Variants in RSRC1 observed in about 807,000 individuals in gnomAD.
RSRC1 encodes the protein arginine and serine rich coiled-coil 1.
In RSRC1, 39 loss-of-function variants were observed where a neutral mutation model predicts 49.1. The observed-to-expected ratio is 0.79, with a 90% confidence interval of 0.61 to 1.04. The LOEUF (loss-of-function observed/expected upper bound fraction) is 1.04, where lower values mean the gene tolerates loss of function less well. Ranked by LOEUF, RSRC1 falls within the 50% of genes least tolerant of loss-of-function variation. The pLI, the probability that RSRC1 is intolerant of heterozygous loss-of-function variation, is 0.00. For synonymous variants in RSRC1, 143 were observed against 130.8 expected, an observed-to-expected ratio of 1.09 and a Z score of -0.63; for missense variants, 388 against 402.4, an observed-to-expected ratio of 0.96 and a Z score of 0.31.
At chr3:158,323,956 GAGAC>G (rs62691060) in intron 5 of RSRC1, among the ~76,000 whole-genome samples, 87,033 of 151,456 alleles carry the variant, frequency 0.57, 25,293 homozygotes, top group East Asian at 0.74. Context: ...TACACAGAGA[GAGAC>G]AGAGAATCAA....
At chr3:158,429,339 T>TA (rs1240187605) in intron 6 of RSRC1, among the ~76,000 whole-genome samples, 2 of 149,464 alleles carry the variant, frequency 1.3e-5, no homozygotes, top group African/African-American at 5.0e-5. Flanking sequence ...ATTTCCATGA[T>TA]ACGTTTTGGA....
chr3:158,350,524 G>T (rs1730815285), intron 5 of RSRC1, among the ~76,000 whole-genome samples: 1 of 152,192 alleles, frequency 6.6e-6, no homozygotes, highest in Non-Finnish European at 1.5e-5. Context: ...AGATCAAAGT[G>T]TTAGTAGGGT....
At chr3:158,148,939 A>T (rs569547132) in intron 3 of RSRC1, among the ~76,000 whole-genome samples, 1 of 152,160 alleles carries the variant, frequency 6.6e-6, no homozygotes, top group African/African-American at 2.4e-5. Flanking sequence ...ACATGCCGCC[A>T]CGCCTGGCTA....
At chr3:158,334,632 C>T (rs1436188910) in intron 5 of RSRC1, among the ~76,000 whole-genome samples, 1 of 146,352 alleles carries the variant, frequency 6.8e-6, no homozygotes, top group South Asian at 2.2e-4. Context: ...AGGCACATGA[C>T]ACCACACCCA....
At chr3:158,165,556 C>T (rs1366773563) in intron 3 of RSRC1, among the ~76,000 whole-genome samples, 2 of 152,178 alleles carry the variant, frequency 1.3e-5, no homozygotes, top group Non-Finnish European at 2.9e-5. Flanking sequence ...TTGGCTGGCG[C>T]CGTTAATCAA....
At chr3:158,427,155 C>G (rs567123872) in intron 6 of RSRC1, among the ~76,000 whole-genome samples, 3 of 151,316 alleles carry the variant, frequency 2.0e-5, no homozygotes, top group Admixed American at 6.6e-5. Flanking sequence ...CCTTATTAAG[C>G]TGGAATCATA....
chr3:158,505,906 T>G (rs1739838990), intron 7 of RSRC1, among the ~76,000 whole-genome samples: 1 of 152,096 alleles, frequency 6.6e-6, no homozygotes, highest in African/African-American at 2.4e-5. Flanking sequence ...GTGATTCATG[T>G]AGGAAAATGA....
chr3:158,493,708 GTT>G (rs990662520), intron 7 of RSRC1, among the ~76,000 whole-genome samples: 5 of 152,192 alleles, frequency 3.3e-5, no homozygotes, highest in African/African-American at 1.2e-4. Flanking sequence ...CAGCCTGATT[GTT>G]TGCAGCTCAG....
At chr3:158,391,372 T>C (rs1733280327) in intron 6 of RSRC1, among the ~76,000 whole-genome samples, 1 of 152,172 alleles carries the variant, frequency 6.6e-6, no homozygotes, top group African/African-American at 2.4e-5. Context: ...TCTCAGAGCT[T>C]ATAGCAAGAG....
chr3:158,407,808 A>C (rs1168788407), intron 6 of RSRC1, among the ~76,000 whole-genome samples: 4 of 152,180 alleles, frequency 2.6e-5, no homozygotes, highest in Non-Finnish European at 4.4e-5. Flanking sequence ...ATATTTGCAT[A>C]TTTTAGATTT....
intron 4 of RSRC1, among the ~76,000 whole-genome samples, chr3:158,293,973 G>A (rs1433918330): frequency 6.6e-6 from 1 of 151,800 alleles, no homozygotes; most frequent in Non-Finnish European, 1.5e-5. Flanking sequence ...ATCCATTATA[G>A]TCTTAAATGT....
chr3:158,489,302 A>G (rs907556477), intron 7 of RSRC1, among the ~76,000 whole-genome samples: 4 of 152,204 alleles, frequency 2.6e-5, no homozygotes, highest in African/African-American at 9.6e-5. Context: ...TTATACTTTC[A>G]TAAATAACCA....
intron 6 of RSRC1, among the ~76,000 whole-genome samples, chr3:158,458,760 C>T (rs191776419): frequency 3.1e-4 from 47 of 152,196 alleles, no homozygotes; most frequent in Non-Finnish European, 5.6e-4. Context: ...CATGGCACAT[C>T]TAGTAAGATT....
chr3:158,526,846 AG>A (rs1219871147), intron 7 of RSRC1, among the ~76,000 whole-genome samples: 11 of 151,976 alleles, frequency 7.2e-5, no homozygotes, highest in Admixed American at 7.2e-4. Context: ...ACATCACAAA[AG>A]AACAGATCAC....
intron 5 of RSRC1, among the ~76,000 whole-genome samples, chr3:158,351,928 AATAT>A (rs974320204): frequency 6.8e-6 from 1 of 147,056 alleles, no homozygotes; most frequent in Non-Finnish European, 1.5e-5. Context: ...TATATATATA[AATAT>A]ATATAATAGA....
At chr3:158,181,330 A>G (rs958476533) in intron 3 of RSRC1, among the ~76,000 whole-genome samples, 2 of 152,184 alleles carry the variant, frequency 1.3e-5, no homozygotes, top group Non-Finnish European at 2.9e-5. Context: ...CATAATATAG[A>G]CTTGGCTTAG....
At chr3:158,462,056 A>C (rs952418755) in intron 7 of RSRC1, among the ~76,000 whole-genome samples, 1 of 151,718 alleles carries the variant, frequency 6.6e-6, no homozygotes, top group Non-Finnish European at 1.5e-5. Context: ...AGTAGATTCA[A>C]ACTAAATGTG....
At chr3:158,131,331 A>G (rs1716009258) in intron 3 of RSRC1, among the ~76,000 whole-genome samples, 1 of 151,842 alleles carries the variant, frequency 6.6e-6, no homozygotes, top group African/African-American at 2.4e-5. Flanking sequence ...ATCTAGTGGG[A>G]TGATTATGGT....
chr3:158,193,195 A>G (rs1401478068), intron 3 of RSRC1, among the ~76,000 whole-genome samples: 2 of 152,052 alleles, frequency 1.3e-5, no homozygotes, highest in Non-Finnish European at 2.9e-5. Context: ...TAGCTTGTTC[A>G]GGGGCACTAT....
Sources: gnomAD v4.1 joint callset for allele counts (sites outside exome capture counted in the v4.1 genomes callset) on GRCh38, gnomAD v4.1.1 for gene constraint, MANE v1.5 for transcripts, NCBI Gene and HGNC (gene_info 2026-07-23, HGNC 2026-07-21) for gene names.